Variants in ATP2C2 observed in about 807,000 individuals in gnomAD.
The protein encoded by ATP2C2 is ATPase secretory pathway Ca2+ transporting 2, also known as calcium-transporting ATPase type 2C member 2.
Under a neutral mutation model 110.8 loss-of-function variants are expected in ATP2C2, and 171 were observed. The ratio of observed to expected loss-of-function variants is 1.54; its 90% CI spans 1.36 to 1.75. ATP2C2 has a LOEUF of 1.75. Ranked by LOEUF, ATP2C2 falls within the 40% of genes most tolerant of loss-of-function variation. ATP2C2 has a pLI of 0.00. For synonymous variants in ATP2C2, 804 were observed against 508.4 expected (o/e 1.58, Z -7.82); for missense variants, 1,963 against 1,235.0 (o/e 1.59, Z -8.84).
At chr16:84,448,334 G>A (rs1386008564) in intron 16 of ATP2C2, among the ~76,000 whole-genome samples, 199 bp from the exon 17 acceptor site, 1 of 152,150 alleles carries the variant, frequency 6.6e-6, no homozygotes, top group African/African-American at 2.4e-5. Flanking sequence ...TCTTTCTCTG[G>A]ACTGCAAAAC....
At chr16:84,384,526 C>T (rs771197490) in intron 1 of ATP2C2, among the ~76,000 whole-genome samples, 4 of 152,274 alleles carry the variant, frequency 2.6e-5, no homozygotes, top group Admixed American at 6.5e-5. Flanking sequence ...GTTAAGACAG[C>T]GTCTGCCAGG....
chr16:84,453,584 G>A (rs1358177769), intron 20 of ATP2C2, among the ~76,000 whole-genome samples: 1 of 152,182 alleles, frequency 6.6e-6, no homozygotes, highest in Non-Finnish European at 1.5e-5. Context: ...CCCTTGGAGA[G>A]GACGAGGCTC....
At chr16:84,422,833 A>ATT (rs34915415) in intron 9 of ATP2C2, 136 bp downstream of exon 9, 2,126 of 846,010 alleles carry the variant, frequency 2.5e-3, no homozygotes, top group South Asian at 4.8e-3. Flanking sequence ...TAAACATTTA[A>ATT]TTTTTTTTTT....
At chr16:84,456,310 G>A (rs1483551602) in intron 21 of ATP2C2, among the ~76,000 whole-genome samples, 2 of 151,668 alleles carry the variant, frequency 1.3e-5, no homozygotes, top group Non-Finnish European at 2.9e-5. Context: ...TTCAGAGCCT[G>A]TTATTGGTCT....
rs750642127 is a variant in ATP2C2 at position 84,454,864 on chromosome 16, T to G, written c.2027T>G (p.Val676Gly). 6.2e-7 allele frequency: 1 copy of G among 1,613,182 alleles called. No individual in the cohort carries two copies. The highest frequency in any genetic ancestry group is 1.1e-5 in the South Asian group (1 of 90,990). ...ATCGTGGCCATGACTGGGGATGGGG[T>G]GAACGACGCAGTGGCCCTGAAGTCT... ...GAIVAMTGDGVNDAVALKSAD... is the reference protein window; with the variant it reads ...GAIVAMTGDGGNDAVALKSAD... The change falls in exon 21 of 27, where the codon GTG becomes GGG. Residue 676 changes from valine (V) to glycine (G), a missense_variant. Coordinates refer to ENST00000262429, the MANE Select transcript of ATP2C2 (RefSeq NM_014861.4).
chr16:84,415,695 G>T, intron 7 of ATP2C2, 104 bp downstream of exon 7: 1 of 893,976 alleles, frequency 1.1e-6, no homozygotes, highest in Non-Finnish European at 1.7e-6. Context: ...ATACACACAT[G>T]CTCAAACATA....
intron 6 of ATP2C2, 101 bp downstream of exon 6, chr16:84,410,866 G>A (rs908100609): frequency 3.8e-5 from 46 of 1,205,970 alleles, no homozygotes; most frequent in South Asian, 1.7e-4. Flanking sequence ...TGGTAGTGTC[G>A]GACAAGAGAA....
intron 6 of ATP2C2, 39 bp downstream of exon 6, chr16:84,410,804 AG>A: frequency 6.3e-7 from 1 of 1,583,822 alleles, no homozygotes; most frequent in South Asian, 1.1e-5. Context: ...GGTTCACTGG[AG>A]GAGCCAGGGA....
intron 20 of ATP2C2, 84 bp downstream of exon 20, chr16:84,453,455 G>C: frequency 6.4e-7 from 1 of 1,561,328 alleles, no homozygotes; most frequent in Non-Finnish European, 8.8e-7. Flanking sequence ...GCGTCCGTCG[G>C]GTGACAGTGC....
rs1170344466 is a variant in ATP2C2, at chr16:84,382,894, T to TAAAA, written c.99+14199_99+14202dup. ...GTGGGCGACAGAGCAAGACTCCATC[T>TAAAA]AAAAAAAAAAAAAAAAAAAAAAGTA... On this transcript the variant is annotated intron_variant, in intron 1 of 26. Transcript: ENST00000262429. 4.4e-5 allele frequency among the ~76,000 whole-genome samples: 4 copies of TAAAA among 91,756 alleles called. No homozygotes were observed. In the East Asian group the frequency reaches 9.0e-4, roughly 21 times the overall value. 60.2% of individuals were successfully genotyped at this position (91,756 alleles called of 152,430 possible).
chr16:84,437,482 A>T (rs1908848882), intron 11 of ATP2C2, among the ~76,000 whole-genome samples: 1 of 152,122 alleles, frequency 6.6e-6, no homozygotes, highest in Non-Finnish European at 1.5e-5. Context: ...AAGTGCTGGT[A>T]TTATAGGTGT....
chr16:84,432,218 C>G (rs890528998), intron 11 of ATP2C2, among the ~76,000 whole-genome samples: 3 of 152,178 alleles, frequency 2.0e-5, no homozygotes, highest in Non-Finnish European at 4.4e-5. Context: ...ATCACCTGAG[C>G]AGTGTACACT....
chr16:84,454,736 T>A, intron 20 of ATP2C2, 82 bp from the exon 21 acceptor site: 2 of 1,415,676 alleles, frequency 1.4e-6, no homozygotes, highest in African/African-American at 1.5e-5. Flanking sequence ...GAGGTGTCTG[T>A]GGCTGGCCAC....
intron 11 of ATP2C2, among the ~76,000 whole-genome samples, chr16:84,438,853 C>G (rs1908979706): frequency 6.6e-6 from 1 of 152,214 alleles, no homozygotes; most frequent in Admixed American, 6.5e-5. Flanking sequence ...CCTTTTCTCT[C>G]TAATAAATGA....
At chr16:84,396,633 G>A (rs1484755296) in intron 1 of ATP2C2, among the ~76,000 whole-genome samples, 2 of 151,584 alleles carry the variant, frequency 1.3e-5, no homozygotes, top group African/African-American at 4.9e-5. Flanking sequence ...CTGAGTGAGT[G>A]TGGGGGATGG....
Position 84,412,323 on chromosome 16 carries a change from TGC to T in ATP2C2, c.515+1560_515+1561del, listed in dbSNP as rs1238660712. Among the ~76,000 whole-genome samples, 542 of 88,552 alleles carry T rather than the reference TGC, an allele frequency of 6.1e-3. 3 individuals are homozygous for T. The highest frequency in any genetic ancestry group is 0.019 in the African/African-American group (516 of 26,714). 58.1% of individuals were successfully genotyped at this position (88,552 alleles called of 152,430 possible). ...GTGTGAGCATGTCTGCACGTGTGTGTGCGTGTGTGTCTGTATGCGTGTGTCTG... is the reference window on the plus strand; with the variant it reads ...GTGTGAGCATGTCTGCACGTGTGTGTGTGTGTGTCTGTATGCGTGTGTCTG... On this transcript the variant is annotated intron_variant, in intron 6 of 26. Coordinates refer to ENST00000262429, the MANE Select transcript of ATP2C2 (RefSeq NM_014861.4).
intron 1 of ATP2C2, among the ~76,000 whole-genome samples, chr16:84,396,549 C>CA (rs57290176): frequency 0.013 from 980 of 74,430 alleles, 10 homozygotes; most frequent in African/African-American, 0.019. Context: ...GGCTCTATCT[C>CA]AAAAAAAAAA....
intron 20 of ATP2C2, among the ~76,000 whole-genome samples, chr16:84,454,190 G>A (rs1299742392): frequency 7.2e-5 from 11 of 152,132 alleles, no homozygotes; most frequent in Admixed American, 1.3e-4. Context: ...TATTAATGCC[G>A]TCAGCTGATT....
intron 1 of ATP2C2, among the ~76,000 whole-genome samples, chr16:84,387,747 A>G (rs556565541): frequency 1.3e-5 from 2 of 152,228 alleles, no homozygotes; most frequent in South Asian, 4.1e-4. Context: ...TGCGTCTCCC[A>G]AGACAGCCCT....
Sources: allele counts gnomAD v4.1 joint callset (sites outside exome capture counted in the v4.1 genomes callset), GRCh38; gene constraint gnomAD v4.1.1; transcripts MANE v1.5; gene names NCBI Gene and HGNC (gene_info 2026-07-23, HGNC 2026-07-21).